The following KMT2E variants were observed in gnomAD, a reference collection of about 807,000 sequenced individuals.
KMT2E encodes the protein histone reader KMT2E.
In KMT2E, 30 loss-of-function variants were observed where a neutral mutation model predicts 184.6. The ratio of observed to expected loss-of-function variants is 0.16; its 90% CI spans 0.12 to 0.22. The LOEUF is 0.22. KMT2E is among the 10% of genes least tolerant of loss of function. The pLI is 1.00. For synonymous variants in KMT2E, 815 were observed against 776.5 expected, an observed-to-expected ratio of 1.05 and a Z score of -0.82; for missense variants, 2,023 against 2,237.4, an observed-to-expected ratio of 0.90 and a Z score of 1.93.
At chr7:105,021,121 GA>G (rs1794931491) in intron 1 of KMT2E, among the ~76,000 whole-genome samples, 1 of 152,190 alleles carries the variant, frequency 6.6e-6, no homozygotes, top group Admixed American at 6.5e-5. Context: ...GCTGAGATGG[GA>G]AGATTCATGA....
Position 105,112,812 on chromosome 7 carries a change from C to A in KMT2E, c.5056C>A (p.Pro1686Thr). Residue 1686 changes from proline to threonine, a missense_variant, in exon 27 of 27, where the codon CCT becomes ACT. By Grantham distance (38) the Pro-to-Thr change is conservative. Coordinates refer to ENST00000311117, the MANE Select transcript of KMT2E (RefSeq NM_182931.3). ...ACCCCCACCCCCACCCCCTCCTGGT[C>A]CTGCCCCTCATCACCATCCACCACC... ...HLPPPPPPPGPAPHHHPPPHP... is the reference protein window; with the variant it reads ...HLPPPPPPPGTAPHHHPPPHP... 1 of 1,065,522 alleles carries A rather than the reference C, an allele frequency of 9.4e-7. No individual in the cohort carries two copies. Among genetic ancestry groups the A allele is most frequent in the South Asian group, 1.3e-5 (1 of 76,552 alleles). 66.0% of individuals were successfully genotyped at this position (1,065,522 alleles called of 1,614,324 possible). A position where few individuals can be genotyped will look rare whatever the true frequency, so the allele number is the denominator to read the frequency against.
Position 105,112,393 on chromosome 7 carries a change from C to G in KMT2E, c.4637C>G (p.Pro1546Arg), listed in dbSNP as rs759028371. Residue 1546 changes from proline to arginine, a missense_variant, in exon 27 of 27, where the codon CCT (proline) becomes CGT (arginine). By Grantham distance (103) the Pro-to-Arg change is moderately radical. Transcript: ENST00000311117. ...AGTCTGAACAGCACGGCACCACCCC[C>G]TCCACCTCCTCCACCTCCTTCTTCG... ...QQSLNSTAPPPPPPPPPSSSY... is the reference protein window; with the variant it reads ...QQSLNSTAPPRPPPPPPSSSY... 6.2e-7 allele frequency: 1 copy of G among 1,612,536 alleles called. No homozygotes were observed. The highest frequency in any genetic ancestry group is 8.5e-7 in the Non-Finnish European group (1 of 1,179,690).
At chr7:105,020,737 A>AT (rs2129563957) in intron 1 of KMT2E, among the ~76,000 whole-genome samples, 1 of 152,360 alleles carries the variant, frequency 6.6e-6, no homozygotes, top group South Asian at 2.1e-4. Context: ...CTTATAAATT[A>AT]TTTTAAACTT....
intron 15 of KMT2E, among the ~76,000 whole-genome samples, chr7:105,096,520 A>G (rs1449321937): frequency 6.6e-6 from 1 of 152,154 alleles, no homozygotes; most frequent in African/African-American, 2.4e-5. Context: ...CACGTAGGCA[A>G]GAGATTCCTG....
At position 105,107,187 on chromosome 7, in the gene KMT2E, T is replaced by A; in HGVS notation, c.2869T>A (p.Ser957Thr). The A allele has an allele frequency of 1.3e-6, 2 of 1,545,412 alleles. No individual in the cohort carries two copies. The highest frequency in any genetic ancestry group is 1.8e-6 in the Non-Finnish European group (2 of 1,135,902). ...HFENISSPES[S>T]PEIKRRTYSQ... ...ACAGAATATTTCTTCCCCAGAAAGT[T>A]CTCCAGAAATAAAGAGACGCACTTA... is the stretch of plus-strand genomic sequence containing the variant. Residue 957 changes from serine to threonine, a missense_variant, in exon 21 of 27, where the codon TCT (serine) becomes ACT (threonine). By Grantham distance (58) the Ser-to-Thr change is moderately conservative. Transcript: ENST00000311117.
At chr7:105,034,345 A>G (rs1338796684) in intron 1 of KMT2E, among the ~76,000 whole-genome samples, 1 of 151,988 alleles carries the variant, frequency 6.6e-6, no homozygotes, top group East Asian at 1.9e-4. Flanking sequence ...CGATCCTCCT[A>G]CCTCAATCTC....
intron 1 of KMT2E, among the ~76,000 whole-genome samples, chr7:105,017,441 T>G (rs118118958): frequency 0.017 from 2,530 of 151,628 alleles, 19 homozygotes; most frequent in Non-Finnish European, 0.024. Context: ...TTTGTTTTTT[T>G]TTTTGATGTT....
intron 1 of KMT2E, among the ~76,000 whole-genome samples, chr7:105,031,646 G>A (rs1359065524): frequency 6.6e-6 from 1 of 151,228 alleles, no homozygotes; most frequent in Non-Finnish European, 1.5e-5. Flanking sequence ...CACCTAATTG[G>A]GAGGCTGAGG....
intron 22 of KMT2E, 197 bp from the exon 23 acceptor site, chr7:105,108,745 A>C (rs943137976): frequency 5.4e-6 from 3 of 560,226 alleles, no homozygotes; most frequent in African/African-American, 3.8e-5. Flanking sequence ...TAAATGAGAT[A>C]ATGTATGTAA....
chr7:105,042,217 C>T (rs1018608554), intron 3 of KMT2E, among the ~76,000 whole-genome samples: 8 of 152,146 alleles, frequency 5.3e-5, no homozygotes, highest in African/African-American at 1.9e-4. Context: ...CCTCGAACTC[C>T]TGGGCTCAAG....
Position 105,107,580 on chromosome 7 carries a change from G to A in KMT2E, c.3123G>A (p.Thr1041=), listed in dbSNP as rs146313083. 191 of 1,613,964 alleles carry A rather than the reference G, an allele frequency of 1.2e-4. No homozygotes were observed. The highest frequency in any genetic ancestry group is 4.1e-4 in the African/African-American group (31 of 74,904). ...CTGCCCTACATAAAACCCTGGAAACGCCTGCACATGACAGGGCTGAGCCCA... is the reference window on the plus strand; with the variant it reads ...CTGCCCTACATAAAACCCTGGAAACACCTGCACATGACAGGGCTGAGCCCA... The part of the protein sequence containing the change: ...EPTALHKTLE[T]PAHDRAEPNS... Residue 1041 remains threonine, a synonymous_variant, in exon 22 of 27, where the codon ACG becomes ACA. Coordinates refer to ENST00000311117, the MANE Select transcript of KMT2E (RefSeq NM_182931.3).
Position 105,073,498 on chromosome 7 carries a change from G to A in KMT2E, c.498-121G>A, listed in dbSNP as rs1797411338. The A allele has an allele frequency of 4.2e-5, 25 of 593,054 alleles. No homozygotes were observed. In the East Asian group the frequency reaches 7.5e-4, roughly 18 times the overall value. The allele number at this position is 593,054 out of a possible 1,614,324, so 36.7% of individuals were successfully genotyped here. Reference sequence around the variant, plus strand: ...TGTAAACTGTATTGCAAGGGATTTTGTATATATTTTATACTGTTGGTTTTT... The same window carrying A: ...TGTAAACTGTATTGCAAGGGATTTTATATATATTTTATACTGTTGGTTTTT... On this transcript the variant is annotated intron_variant, in intron 6 of 26. Coordinates refer to ENST00000311117, the MANE Select transcript of KMT2E (RefSeq NM_182931.3).
intron 6 of KMT2E, among the ~76,000 whole-genome samples, chr7:105,068,655 T>G (rs1797153392): frequency 1.4e-5 from 2 of 140,036 alleles, no homozygotes; most frequent in Non-Finnish European, 3.2e-5. Flanking sequence ...TTTTTTTTTT[T>G]GTAGGCACAG....
intron 8 of KMT2E, among the ~76,000 whole-genome samples, 160 bp downstream of exon 8, chr7:105,074,975 G>GTGT: frequency 6.6e-6 from 1 of 152,140 alleles, no homozygotes; most frequent in South Asian, 2.1e-4. Context: ...ACATTTTAAC[G>GTGT]TGTTTTAAAG....
At chr7:105,018,058 T>C (rs890494137) in intron 1 of KMT2E, among the ~76,000 whole-genome samples, 4 of 152,178 alleles carry the variant, frequency 2.6e-5, no homozygotes, top group African/African-American at 9.7e-5. Flanking sequence ...TCAGTACATA[T>C]CTTAGTGGTC....
At chr7:105,073,050 G>T (rs1471475823) in intron 6 of KMT2E, among the ~76,000 whole-genome samples, 9 of 145,612 alleles carry the variant, frequency 6.2e-5, no homozygotes, top group Admixed American at 2.1e-4. Flanking sequence ...AACATTATGG[G>T]TTTTTTTTTT....
chr7:105,106,339 T>C (rs564210749), intron 19 of KMT2E, among the ~76,000 whole-genome samples, 183 bp from the exon 20 acceptor site: 33 of 152,256 alleles, frequency 2.2e-4, no homozygotes, highest in Middle Eastern at 3.4e-3. Flanking sequence ...TGCTTGCTAA[T>C]TGGGGAGGGA....
intron 23 of KMT2E, 117 bp downstream of exon 23, chr7:105,109,345 A>C: frequency 9.8e-7 from 1 of 1,023,822 alleles, no homozygotes; most frequent in Non-Finnish European, 1.4e-6. Context: ...CAATTTTAAA[A>C]GATTCTCTCT....
intron 1 of KMT2E, among the ~76,000 whole-genome samples, chr7:105,023,453 TTTTTTTTTTGAGATGGAG>T (rs983046347): frequency 1.1e-4 from 16 of 149,342 alleles, no homozygotes; most frequent in Middle Eastern, 3.4e-3. Context: ...GCAATTTTTT[TTTTTTTTTTGAGATGGAG>T]TGTCGCTCTG....
Sources: allele counts gnomAD v4.1 joint callset (sites outside exome capture counted in the v4.1 genomes callset), GRCh38; gene constraint gnomAD v4.1.1; transcripts MANE v1.5; gene names NCBI Gene and HGNC (gene_info 2026-07-23, HGNC 2026-07-21).